The following UQCC1 variants were observed in gnomAD, a reference collection of about 807,000 sequenced individuals.
UQCC1 encodes the protein ubiquinol-cytochrome c reductase complex assembly factor 1, also known as bFGF-repressed Zic-binding protein.
A neutral mutation model predicts 48.0 loss-of-function variants in UQCC1; 38 were observed. The ratio of observed to expected loss-of-function variants is 0.79; its 90% CI spans 0.61 to 1.04. The LOEUF (loss-of-function observed/expected upper bound fraction) is 1.04, where lower values mean the gene tolerates loss of function less well. UQCC1 is among the 50% of genes least tolerant of loss of function. The pLI is 0.00. For missense variants in UQCC1, 368 were observed against 381.8 expected (o/e 0.96, Z 0.30); for synonymous variants, 111 against 129.2 (o/e 0.86, Z 0.95).
intron 7 of UQCC1, among the ~76,000 whole-genome samples, chr20:35,316,332 G>A (rs996059945): frequency 5.3e-5 from 8 of 152,194 alleles, no homozygotes; most frequent in Non-Finnish European, 8.8e-5. Flanking sequence ...GACTGTGTGA[G>A]AGACTCAGAC....
chr20:35,367,814 G>A (rs1242609898), intron 5 of UQCC1, among the ~76,000 whole-genome samples: 1 of 152,068 alleles, frequency 6.6e-6, no homozygotes, highest in Non-Finnish European at 1.5e-5. Context: ...AGGGCTCTAG[G>A]GAGCTGCAGC....
intron 1 of UQCC1, among the ~76,000 whole-genome samples, chr20:35,402,654 A>G (rs902752054): frequency 6.7e-6 from 1 of 149,608 alleles, no homozygotes; most frequent in East Asian, 2.0e-4. Context: ...TTAGCCGGGC[A>G]TGGTGGCGCA....
At chr20:35,400,740 C>T (rs552980176) in intron 1 of UQCC1, among the ~76,000 whole-genome samples, 2 of 152,230 alleles carry the variant, frequency 1.3e-5, no homozygotes, top group East Asian at 1.9e-4. Flanking sequence ...TGTGATCCGC[C>T]CGCCTCGGCC....
Position 35,374,244 on chromosome 20 carries a change from CA to C in UQCC1, c.345del (p.Ile115MetfsTer21). 6.2e-7 allele frequency: 1 copy of C among 1,611,638 alleles called. No individual in the cohort carries two copies. Among genetic ancestry groups the C allele is most frequent in the South Asian group, 1.1e-5 (1 of 90,360 alleles). On this transcript the variant is annotated frameshift_variant, in exon 5 of 10. Transcript: ENST00000374385. LOFTEE classifies it high-confidence loss of function. Reference protein sequence around the residue: ...PLKYSKWKIKIAALRMYTSCV... With the variant: ...PLKYSKWKIKXAALRMYTSCV... The stretch of plus-strand genomic sequence containing the variant: ...CAGCTAGTATACATGCGCAGGGCCG[CA>C]ATCTTAATCTTCTAGACAAAGAGAA...
At chr20:35,307,616 T>C (rs559895740) in intron 8 of UQCC1, among the ~76,000 whole-genome samples, 1 of 152,152 alleles carries the variant, frequency 6.6e-6, no homozygotes, top group Non-Finnish European at 1.5e-5. Context: ...GCCAAGGTAG[T>C]GTGTGGAATC....
At chr20:35,388,792 C>T (rs1292706150) in intron 2 of UQCC1, among the ~76,000 whole-genome samples, 2 of 152,064 alleles carry the variant, frequency 1.3e-5, no homozygotes, top group Admixed American at 6.6e-5. Flanking sequence ...GGGCTGGGTG[C>T]GGTGGCTCAT....
intron 6 of UQCC1, among the ~76,000 whole-genome samples, chr20:35,353,277 GT>G (rs2061510215): frequency 6.6e-6 from 1 of 151,630 alleles, no homozygotes; most frequent in East Asian, 1.9e-4. Context: ...CGTGCCTGTA[GT>G]CCCAGCTACT....
chr20:35,326,847 T>A (rs1035935461), intron 7 of UQCC1, among the ~76,000 whole-genome samples: 3 of 152,162 alleles, frequency 2.0e-5, no homozygotes, highest in Non-Finnish European at 4.4e-5. Context: ...TTGTTCCACA[T>A]CACTACCAAC....
At chr20:35,333,537 G>T (rs2061280866) in intron 7 of UQCC1, among the ~76,000 whole-genome samples, 1 of 152,134 alleles carries the variant, frequency 6.6e-6, no homozygotes, top group South Asian at 2.1e-4. Context: ...TCAGGACAAA[G>T]AAAGTTCTTA....
intron 3 of UQCC1, among the ~76,000 whole-genome samples, chr20:35,383,114 T>C (rs2061896838): frequency 6.6e-6 from 1 of 152,180 alleles, no homozygotes; most frequent in South Asian, 2.1e-4. Context: ...CAAAAGTCAT[T>C]CAAAACTGCA....
intron 4 of UQCC1, among the ~76,000 whole-genome samples, chr20:35,375,217 A>C (rs2146463622): frequency 6.6e-6 from 1 of 152,296 alleles, no homozygotes; most frequent in Non-Finnish European, 1.5e-5. Context: ...CCAATCTAGA[A>C]TTTAGTGGAG....
chr20:35,375,969 A>C (rs76241515), intron 4 of UQCC1, among the ~76,000 whole-genome samples: 1 of 125,380 alleles, frequency 8.0e-6, no homozygotes, highest in African/African-American at 3.0e-5. Flanking sequence ...AAAAAAAAAA[A>C]GGAAAATTGA....
chr20:35,409,530 T>G (rs2062311381), intron 1 of UQCC1: 1 of 175,070 alleles, frequency 5.7e-6, no homozygotes, highest in Middle Eastern at 5.2e-4. Context: ...CCACAACTTT[T>G]TTTTAATTTT....
At position 35,364,472 on chromosome 20, in the gene UQCC1, T is replaced by C. The variant is rs138186365; in HGVS notation, c.464+2085A>G. On this transcript the variant is annotated intron_variant, in intron 6 of 9. Transcript: ENST00000374385. The stretch of plus-strand genomic sequence containing the variant: ...AAAGAAATTACCAGAAAAGAATGCA[T>C]GTCATACCCTTCTCTCCAACATCCC... Among the ~76,000 whole-genome samples, 18 of 152,352 alleles carry C rather than the reference T, an allele frequency of 1.2e-4. No individual in the cohort carries two copies. In the East Asian group the frequency reaches 3.1e-3, roughly 26 times the overall value.
intron 6 of UQCC1, among the ~76,000 whole-genome samples, chr20:35,357,624 G>A (rs8122495): frequency 2.1e-5 from 3 of 141,650 alleles, no homozygotes; most frequent in South Asian, 4.5e-4. Context: ...GTGAGCTATG[G>A]TAGTGCCATT....
Position 35,347,154 on chromosome 20 carries a change from A to C in UQCC1, c.573+10T>G. The C allele has an allele frequency of 1.2e-6, 2 of 1,614,118 alleles. No individual in the cohort carries two copies. Among genetic ancestry groups the C allele is most frequent in the Non-Finnish European group, 1.7e-6 (2 of 1,180,026 alleles). Reference sequence around the variant, plus strand: ...TTGTCCAGGACAAGCATCTGACAGCACTCACTTACCCCCATGACTCTGCCG... The same window carrying C: ...TTGTCCAGGACAAGCATCTGACAGCCCTCACTTACCCCCATGACTCTGCCG... On this transcript the variant is annotated intron_variant, in intron 7 of 9. Coordinates refer to ENST00000374385, the MANE Select transcript of UQCC1 (RefSeq NM_018244.5).
chr20:35,308,203 G>C (rs1273244918), intron 8 of UQCC1, among the ~76,000 whole-genome samples: 1 of 152,252 alleles, frequency 6.6e-6, no homozygotes, highest in African/African-American at 2.4e-5. Flanking sequence ...CATTCCACCT[G>C]TTCCAAATGC....
In UQCC1 at chr20:35,303,725, A is replaced by G; in HGVS notation, c.*210T>C. 1.6e-6 allele frequency: 1 copy of G among 643,002 alleles called. No homozygotes were observed. The highest frequency in any genetic ancestry group is 2.0e-5 in the South Asian group (1 of 51,106). The allele number at this position is 643,002 out of a possible 1,614,324, so 39.8% of individuals were successfully genotyped here. ...CCCCTAAGGGAGAGGACACCCCGGGAGAGCTAGGGGTTCTCCCAGCCCTGT... is the reference window on the plus strand; with the variant it reads ...CCCCTAAGGGAGAGGACACCCCGGGGGAGCTAGGGGTTCTCCCAGCCCTGT... On this transcript the variant is annotated 3_prime_UTR_variant, in exon 10 of 10. Transcript: ENST00000374385.
chr20:35,385,793 T>G (rs1222727669), intron 2 of UQCC1, among the ~76,000 whole-genome samples: 1 of 151,878 alleles, frequency 6.6e-6, no homozygotes, highest in Non-Finnish European at 1.5e-5. Context: ...AAAATGGGAC[T>G]ACAGGCATGA....
Sources: gnomAD v4.1 joint callset for allele counts (sites outside exome capture counted in the v4.1 genomes callset) on GRCh38, gnomAD v4.1.1 for gene constraint, MANE v1.5 for transcripts, NCBI Gene and HGNC (gene_info 2026-07-23, HGNC 2026-07-21) for gene names.